Variants in PDE12 observed in about 807,000 individuals in gnomAD.
PDE12 encodes phosphodiesterase 12, also known as 2',5'-phosphodiesterase 12.
A neutral mutation model predicts 45.4 loss-of-function variants in PDE12; 26 were observed. The observed-to-expected ratio is 0.57, with a 90% CI of 0.42 to 0.79. PDE12 has a LOEUF of 0.79. Among genes scored for constraint, PDE12 ranks in the 30% least tolerant of loss-of-function variants. The pLI, the probability that PDE12 is intolerant of heterozygous loss-of-function variation, is 0.00. For synonymous variants in PDE12, 283 were observed against 323.9 expected (o/e 0.87, Z 1.36); for missense variants, 668 against 790.0 (o/e 0.85, Z 1.85).
chr3:57,614,742 C>T, the PDE12 span, among the ~76,000 whole-genome samples: 1 of 150,702 alleles, frequency 6.6e-6, no homozygotes, highest in Non-Finnish European at 1.5e-5. Context: ...AGAGGGAGGC[C>T]GAGGCGGGTG....
At chr3:57,599,471 C>T in the PDE12 span, among the ~76,000 whole-genome samples, 1 of 152,192 alleles carries the variant, frequency 6.6e-6, no homozygotes, top group South Asian at 2.1e-4. Flanking sequence ...CAATCTTCAA[C>T]TAATTCTTAG....
chr3:57,600,788 C>T, the PDE12 span: 1 of 152,062 alleles, frequency 6.6e-6, no homozygotes, highest in African/African-American at 2.4e-5. Context: ...TGTTGGGAGG[C>T]CAAGATGGGA....
At chr3:57,573,068 G>A in the PDE12 span, among the ~76,000 whole-genome samples, 1 of 151,922 alleles carries the variant, frequency 6.6e-6, no homozygotes, top group African/African-American at 2.4e-5. Context: ...CGGGCGTGGT[G>A]GTGGGCGCCT....
chr3:57,590,915 A>G, the PDE12 span, among the ~76,000 whole-genome samples: 18 of 152,328 alleles, frequency 1.2e-4, no homozygotes, highest in African/African-American at 3.8e-4. Flanking sequence ...ATAGTTTAAA[A>G]TAATAATTTA....
At chr3:57,616,218 G>A in the PDE12 span, among the ~76,000 whole-genome samples, 1 of 152,214 alleles carries the variant, frequency 6.6e-6, no homozygotes, top group African/African-American at 2.4e-5. Context: ...CAGCTACTCA[G>A]GAGGCTGATG....
rs1367342488 is a variant in PDE12 at position 57,563,506 on chromosome 3, T to C, written c.*3502T>C. ...CCTAATGCTATCCCTCCCCCAGCCC[T>C]GAAAATGAATTTTTTAAACACAAAT... is the stretch of plus-strand genomic sequence containing the variant. On this transcript the variant is annotated 3_prime_UTR_variant, in exon 3 of 3. Coordinates refer to ENST00000311180, the MANE Select transcript of PDE12 (RefSeq NM_177966.7). The C allele has an allele frequency of 3.3e-5, 5 of 152,146 alleles. No homozygotes were observed. The highest frequency in any genetic ancestry group is 7.4e-5 in the Non-Finnish European group (5 of 68,016). The allele number at this position is 152,146 out of a possible 1,614,324, so 9.4% of individuals were successfully genotyped here.
At chr3:57,573,944 T>G in the PDE12 span, among the ~76,000 whole-genome samples, 8 of 148,226 alleles carry the variant, frequency 5.4e-5, no homozygotes, top group East Asian at 2.1e-4. Context: ...TTTTTTTTTG[T>G]TTGTTTGTTT....
At chr3:57,653,058 T>C in the PDE12 span, among the ~76,000 whole-genome samples, 2 of 152,284 alleles carry the variant, frequency 1.3e-5, no homozygotes, top group African/African-American at 2.4e-5. Context: ...TTGTAGGAAA[T>C]AGACTCTAAA....
rs2069750140 is a variant in PDE12, at chr3:57,563,585, G to A, written c.*3581G>A. The stretch of plus-strand genomic sequence containing the variant: ...TAATAATTTGCTTAATATAGTACAG[G>A]AAGGCAACACTATCTAGAGGGCCAG... On this transcript the variant is annotated 3_prime_UTR_variant, in exon 3 of 3. Coordinates refer to ENST00000311180, the MANE Select transcript of PDE12 (RefSeq NM_177966.7). 6.6e-6 allele frequency: 1 copy of A among 152,094 alleles called. No homozygotes were observed. The allele number at this position is 152,094 out of a possible 1,614,324, so 9.4% of individuals were successfully genotyped here. A position where few individuals can be genotyped will look rare whatever the true frequency, so the allele number is the denominator to read the frequency against.
the PDE12 span, among the ~76,000 whole-genome samples, chr3:57,642,425 A>G: frequency 6.6e-6 from 1 of 151,954 alleles, no homozygotes; most frequent in African/African-American, 2.4e-5. Flanking sequence ...GACGTGAAAG[A>G]TGAGTGGGCG....
At chr3:57,577,397 A>T in the PDE12 span, 1 of 1,612,518 alleles carries the variant, frequency 6.2e-7, no homozygotes, top group African/African-American at 1.3e-5. Flanking sequence ...CCTGGGGAAA[A>T]ATTGTTTCAG....
Position 57,559,401 on chromosome 3 carries a change from T to G in PDE12, c.1387+13T>G. 3 of 1,601,868 alleles carry G rather than the reference T, an allele frequency of 1.9e-6. No individual in the cohort carries two copies. The highest frequency in any genetic ancestry group is 2.6e-6 in the Non-Finnish European group (3 of 1,169,520). On this transcript the variant is annotated intron_variant, in intron 2 of 2. Coordinates refer to ENST00000311180, the MANE Select transcript of PDE12 (RefSeq NM_177966.7). ...TGGCATCCTAAAGGTAGGTTTTATT[T>G]GGTATCACAAGTGACTTAAACACGC... is the stretch of plus-strand genomic sequence containing the variant.
At chr3:57,630,121 C>G in the PDE12 span, among the ~76,000 whole-genome samples, 2 of 152,214 alleles carry the variant, frequency 1.3e-5, no homozygotes, top group Admixed American at 1.3e-4. Flanking sequence ...CTCCAGCACA[C>G]TGTTGGCTCC....
At chr3:57,613,900 C>CAAA in the PDE12 span, among the ~76,000 whole-genome samples, 187 of 59,388 alleles carry the variant, frequency 3.1e-3, 3 homozygotes, top group African/African-American at 8.9e-3. Context: ...GACTCCATCT[C>CAAA]AAAAAAAAAA....
At chr3:57,617,460 T>G in the PDE12 span, among the ~76,000 whole-genome samples, 89 of 152,214 alleles carry the variant, frequency 5.8e-4, no homozygotes, top group Non-Finnish European at 1.1e-3. Flanking sequence ...TTACAGGGTA[T>G]ATACCCAAAG....
chr3:57,604,300 AT>A, the PDE12 span, among the ~76,000 whole-genome samples: 10 of 152,018 alleles, frequency 6.6e-5, no homozygotes, highest in African/African-American at 1.4e-4. Flanking sequence ...TAATCTACAA[AT>A]TTTTTTTCTC....
chr3:57,646,195 A>C, the PDE12 span: 1 of 1,373,812 alleles, frequency 7.3e-7, no homozygotes, highest in East Asian at 2.4e-5. Context: ...TTTTGCATGG[A>C]TCAATGCAAT....
In PDE12 at chr3:57,563,442, G is replaced by A. The variant is rs534847303; in HGVS notation, c.*3438G>A. The A allele has an allele frequency of 6.6e-6, 1 of 152,086 alleles. No individual in the cohort carries two copies. Among genetic ancestry groups the A allele is most frequent in the Non-Finnish European group, 1.5e-5 (1 of 68,018 alleles). 9.4% of individuals were successfully genotyped at this position (152,086 alleles called of 1,614,324 possible). A position where few individuals can be genotyped will look rare whatever the true frequency, so the allele number is the denominator to read the frequency against. On this transcript the variant is annotated 3_prime_UTR_variant, in exon 3 of 3. Coordinates refer to ENST00000311180, the MANE Select transcript of PDE12 (RefSeq NM_177966.7). ...AGGTATACATGTGCCATGTTGGTTTGCTGCACCCGTTAACTCGTCATTTAC... is the reference window on the plus strand; with the variant it reads ...AGGTATACATGTGCCATGTTGGTTTACTGCACCCGTTAACTCGTCATTTAC...
At chr3:57,639,903 G>A in the PDE12 span, among the ~76,000 whole-genome samples, 1 of 152,030 alleles carries the variant, frequency 6.6e-6, no homozygotes, top group Admixed American at 6.6e-5. Flanking sequence ...ATACCAGAAG[G>A]AATATCTTGT....
Sources: gnomAD v4.1 joint callset for allele counts (sites outside exome capture counted in the v4.1 genomes callset) on GRCh38, gnomAD v4.1.1 for gene constraint, MANE v1.5 for transcripts, NCBI Gene and HGNC (gene_info 2026-07-23, HGNC 2026-07-21) for gene names.